Variants in KNTC1 observed in about 807,000 individuals in gnomAD.
KNTC1 encodes the protein kinetochore-associated protein 1.
A neutral mutation model predicts 314.4 loss-of-function variants in KNTC1; 253 were observed. That is an observed-to-expected ratio of 0.80 (90% CI 0.73 to 0.89). KNTC1 has a LOEUF of 0.89. KNTC1 is among the 40% of genes least tolerant of loss of function. The pLI is 0.00. For synonymous variants in KNTC1, 901 were observed against 901.4 expected (o/e 1.00, Z 0.01); for missense variants, 2,475 against 2,572.9 (o/e 0.96, Z 0.82).
chr12:122,570,748 AAG>A (rs1690066817), intron 22 of KNTC1, 126 bp from the exon 23 acceptor site: 1 of 678,366 alleles, frequency 1.5e-6, no homozygotes, highest in Non-Finnish European at 2.5e-6. Flanking sequence ...ACAAGCAAAA[AAG>A]ACAATCGTGG....
intron 43 of KNTC1, among the ~76,000 whole-genome samples, chr12:122,595,293 C>T (rs1484320647): frequency 1.3e-5 from 2 of 152,200 alleles, no homozygotes; most frequent in African/African-American, 4.8e-5. Flanking sequence ...AATACAAGGA[C>T]TCGTTTTCTG....
intron 18 of KNTC1, 135 bp downstream of exon 18, chr12:122,557,824 C>T: frequency 1.6e-6 from 1 of 629,874 alleles, no homozygotes. Context: ...TTTATAATAG[C>T]TTAATGGAGA....
At chr12:122,593,977 CTA>C (rs1565997613) in intron 42 of KNTC1, 1 of 322,746 alleles carries the variant, frequency 3.1e-6, no homozygotes, top group East Asian at 6.3e-5. Flanking sequence ...TACAGAAATG[CTA>C]TATGTTTTGA....
At chr12:122,583,200 A>G (rs1333787455) in intron 34 of KNTC1, among the ~76,000 whole-genome samples, 1 of 152,096 alleles carries the variant, frequency 6.6e-6, no homozygotes, top group African/African-American at 2.4e-5. Flanking sequence ...AGTCCCAGCT[A>G]CTGGGGAGGC....
intron 59 of KNTC1, among the ~76,000 whole-genome samples, chr12:122,619,329 G>T (rs1413955788): frequency 6.6e-6 from 1 of 150,480 alleles, no homozygotes; most frequent in African/African-American, 2.4e-5. Context: ...GCACCACCAC[G>T]CCTGGCTAAT....
intron 42 of KNTC1, among the ~76,000 whole-genome samples, chr12:122,591,695 A>C (rs186762409): frequency 4.6e-5 from 7 of 152,072 alleles, no homozygotes; most frequent in Admixed American, 4.6e-4. Flanking sequence ...TAACTTTCTC[A>C]TTTATAGGTA....
chr12:122,560,310 T>C (rs1019460267), intron 18 of KNTC1, among the ~76,000 whole-genome samples: 4 of 152,190 alleles, frequency 2.6e-5, no homozygotes, highest in Non-Finnish European at 4.4e-5. Context: ...AGATGTCTAT[T>C]TGAGTCCCTC....
chr12:122,618,363 G>T lies in KNTC1; in HGVS notation c.6051G>T (p.Ala2017=). ...CACAGGTTCCCTACTTCAGCAAAGC[G>T]TGGCAGCGTGTGATACAGATACCAC... The part of the protein sequence containing the change: ...SLWQVPYFSK[A]WQRVIQIPLL... The change falls in exon 58 of 64, where the codon GCG becomes GCT. Residue 2017 remains alanine, a synonymous_variant. Coordinates refer to ENST00000333479, the MANE Select transcript of KNTC1 (RefSeq NM_014708.6). 2 of 1,613,734 alleles carry T rather than the reference G, an allele frequency of 1.2e-6. No homozygotes were observed. Among genetic ancestry groups the T allele is most frequent in the Non-Finnish European group, 1.7e-6 (2 of 1,179,784 alleles).
chr12:122,582,262 A>G (rs767868328), intron 33 of KNTC1, among the ~76,000 whole-genome samples: 7 of 152,070 alleles, frequency 4.6e-5, no homozygotes, highest in Non-Finnish European at 4.4e-5. Context: ...ACTAAAAATA[A>G]CAAAAATTAG....
chr12:122,598,223 C>T (rs972724149), intron 44 of KNTC1, among the ~76,000 whole-genome samples: 2 of 152,040 alleles, frequency 1.3e-5, no homozygotes, highest in Non-Finnish European at 2.9e-5. Context: ...TTCCCTATAA[C>T]TCCACTCCCT....
chr12:122,541,261 T>C (rs1480090894), intron 5 of KNTC1, among the ~76,000 whole-genome samples: 28 of 137,360 alleles, frequency 2.0e-4, no homozygotes, highest in Admixed American at 1.7e-3. Context: ...TTGTTTGTGC[T>C]TGCCTGCCTG....
intron 18 of KNTC1, among the ~76,000 whole-genome samples, chr12:122,558,925 C>T (rs1423198681): frequency 6.6e-6 from 1 of 152,046 alleles, no homozygotes; most frequent in African/African-American, 2.4e-5. Context: ...CCCATTTGCC[C>T]CAGTCCCCCA....
intron 43 of KNTC1, among the ~76,000 whole-genome samples, chr12:122,595,488 T>C (rs1369291096): frequency 6.6e-6 from 1 of 152,244 alleles, no homozygotes. Flanking sequence ...ATTAATGGAA[T>C]CTGAGTTATT....
chr12:122,612,687 G>C (rs1191273081), intron 53 of KNTC1, among the ~76,000 whole-genome samples: 2 of 152,150 alleles, frequency 1.3e-5, no homozygotes, highest in African/African-American at 4.8e-5. Context: ...CAAAGTGCTG[G>C]GATTACAGGC....
rs1964819348 is a variant in KNTC1, at chr12:122,573,369, T to C, written c.2283+84T>C. On this transcript the variant is annotated intron_variant, in intron 26 of 63. Transcript: ENST00000333479. ...TAAATATTTAACTCTTTAAGGAATG[T>C]CATATGCTTTCTCAGTAGGACTCAT... 9 of 1,225,590 alleles carry C rather than the reference T, an allele frequency of 7.3e-6. No individual in the cohort carries two copies. The East Asian group carries it at 2.1e-4, about 29-fold the overall frequency. 75.9% of individuals were successfully genotyped at this position (1,225,590 alleles called of 1,614,324 possible). A position where few individuals can be genotyped will look rare whatever the true frequency, so the allele number is the denominator to read the frequency against.
At chr12:122,562,120 T>G in intron 19 of KNTC1, 146 bp downstream of exon 19, 1 of 751,742 alleles carries the variant, frequency 1.3e-6, no homozygotes, top group Non-Finnish European at 2.1e-6. Flanking sequence ...TATTAATAGG[T>G]ACTTACTTTA....
Position 122,557,367 on chromosome 12 carries a change from G to C in KNTC1, c.1273-17G>C, listed in dbSNP as rs576753774. 6.2e-7 allele frequency: 1 copy of C among 1,605,996 alleles called. No homozygotes were observed. The highest frequency in any genetic ancestry group is 1.3e-5 in the African/African-American group (1 of 74,692). On this transcript the variant is annotated splice_polypyrimidine_tract_variant and intron_variant, in intron 16 of 63. Coordinates refer to ENST00000333479, the MANE Select transcript of KNTC1 (RefSeq NM_014708.6). ...ATTGTACTTCAAATTGCTTGATGTG[G>C]CGTGTTTATATTACAGCTTGTTTAC...
intron 33 of KNTC1, 99 bp from the exon 34 acceptor site, chr12:122,582,602 AAAAT>A: frequency 2.7e-6 from 3 of 1,121,828 alleles, no homozygotes; most frequent in Non-Finnish European, 3.7e-6. Context: ...CCCTGAATCT[AAAAT>A]AAAAGTTGAA....
At chr12:122,620,197 C>T (rs922940249) in intron 59 of KNTC1, 1 of 176,064 alleles carries the variant, frequency 5.7e-6, no homozygotes, top group East Asian at 1.5e-4. Context: ...GGTTTTGAGT[C>T]TTCTGAGAAT....
Sources: gnomAD v4.1 joint callset for allele counts (sites outside exome capture counted in the v4.1 genomes callset) on GRCh38, gnomAD v4.1.1 for gene constraint, MANE v1.5 for transcripts, NCBI Gene and HGNC (gene_info 2026-07-23, HGNC 2026-07-21) for gene names.